URB1: variants seen among roughly 807,000 people sequenced by gnomAD.
URB1 encodes URB1 ribosome biogenesis factor.
Under a neutral mutation model 242.3 loss-of-function variants are expected in URB1, and 197 were observed. The ratio of observed to expected loss-of-function variants is 0.81; its 90% CI spans 0.72 to 0.91. The LOEUF is 0.91. URB1 is among the 40% of genes least tolerant of loss of function. URB1 has a pLI of 0.00. For synonymous variants in URB1, 1,153 were observed against 1,201.8 expected (o/e 0.96, Z 0.84); for missense variants, 2,721 against 2,860.5 (o/e 0.95, Z 1.11).
Position 32,316,818 on chromosome 21 carries a change from A to C in URB1, c.6282T>G (p.Tyr2094Ter). ...AACTGACTGCCAGGGAAGCGGCAGC[A>C]TATACGGGGCCTGGCGCATCGCTCT... The part of the protein sequence containing the change: ...SPESDAPGPV[Y>*]AAASLAVSWV... The change falls in exon 38 of 39, where the codon TAT (tyrosine) becomes TAG (stop). Residue 2094 changes from tyrosine (Y) to a stop codon, truncating the protein, a stop_gained. Transcript: ENST00000382751. LOFTEE classifies it high-confidence loss of function. 1 of 1,547,744 alleles carries C rather than the reference A, an allele frequency of 6.5e-7. No homozygotes were observed. The highest frequency in any genetic ancestry group is 8.7e-7 in the Non-Finnish European group (1 of 1,144,370).
At chr21:32,351,569 C>T (rs2033159034) in intron 19 of URB1, among the ~76,000 whole-genome samples, 1 of 152,190 alleles carries the variant, frequency 6.6e-6, no homozygotes, top group Admixed American at 6.5e-5. Flanking sequence ...AGGCCTGCAG[C>T]AGCATGTGTG....
chr21:32,322,076 T>C (rs1392754990), intron 33 of URB1, 132 bp from the exon 34 acceptor site: 3 of 1,052,292 alleles, frequency 2.9e-6, no homozygotes, highest in South Asian at 3.3e-5. Flanking sequence ...TGTCTGATTA[T>C]GAAAAATCCC....
At chr21:32,389,669 C>T (rs1160082619) in intron 1 of URB1, among the ~76,000 whole-genome samples, 1 of 152,210 alleles carries the variant, frequency 6.6e-6, no homozygotes, top group East Asian at 1.9e-4. Flanking sequence ...AGAATTACCA[C>T]TTATGCAGTG....
At chr21:32,357,360 C>G (rs1008296128) in intron 15 of URB1, among the ~76,000 whole-genome samples, 177 bp downstream of exon 15, 3 of 151,810 alleles carry the variant, frequency 2.0e-5, no homozygotes, top group African/African-American at 7.3e-5. Context: ...AGGCTGCCTC[C>G]CAGGAATGTA....
Position 32,337,428 on chromosome 21 carries a change from A to G in URB1, c.4597T>C (p.Tyr1533His), listed in dbSNP as rs1022054122. The change falls in exon 27 of 39, where the codon TAT becomes CAT. Residue 1533 changes from tyrosine to histidine, a missense_variant. Transcript: ENST00000382751. Reference sequence around the variant, plus strand: ...CCTAGGACGCTGAGAGTGGCGCCATAGGCCCCGAGAAGCACTGCAAAGTGG... The same window carrying G: ...CCTAGGACGCTGAGAGTGGCGCCATGGGCCCCGAGAAGCACTGCAAAGTGG... Reference protein sequence around the residue: ...SSHFAVLLGAYGATLSVLDQK... With the variant: ...SSHFAVLLGAHGATLSVLDQK... 26 of 1,551,578 alleles carry G rather than the reference A, an allele frequency of 1.7e-5. No individual in the cohort carries two copies. Among genetic ancestry groups the G allele is most frequent in the Non-Finnish European group, 2.2e-5 (25 of 1,146,934 alleles).
chr21:32,390,435 G>A (rs2033625310), intron 1 of URB1, among the ~76,000 whole-genome samples: 1 of 151,212 alleles, frequency 6.6e-6, no homozygotes, highest in Non-Finnish European at 1.5e-5. Flanking sequence ...TTTGAGAAGT[G>A]TCTGTTCATA....
intron 25 of URB1, among the ~76,000 whole-genome samples, chr21:32,339,489 T>A (rs2033002942): frequency 6.6e-6 from 1 of 151,022 alleles, no homozygotes; most frequent in South Asian, 2.1e-4. Context: ...TTTTCTTTTT[T>A]TTTTCTTTTT....
Position 32,347,414 on chromosome 21 carries a change from G to A in URB1, c.3410C>T (p.Thr1137Ile), listed in dbSNP as rs759062513. 37 of 1,551,412 alleles carry A rather than the reference G, an allele frequency of 2.4e-5. 1 individual carries two copies. In the South Asian group the frequency reaches 4.2e-4, roughly 17 times the overall value. Residue 1137 changes from threonine to isoleucine, a missense_variant, in exon 22 of 39, where the codon ACC becomes ATC. Coordinates refer to ENST00000382751, the MANE Select transcript of URB1 (RefSeq NM_014825.3). ...LLSLPETHLV[T>I]QQPTKSPGKE... The stretch of plus-strand genomic sequence containing the variant: ...CCCGGGGGATTTCGTGGGTTGCTGG[G>A]TCACCAGGTGTGTCTCAGGCAGGCT...
intron 33 of URB1, 93 bp downstream of exon 33, chr21:32,322,385 T>C (rs2123546179): frequency 1.7e-6 from 2 of 1,183,002 alleles, no homozygotes; most frequent in Non-Finnish European, 2.5e-6. Context: ...CCGTGCAGCA[T>C]ACAGGATCCA....
At chr21:32,392,355 G>A (rs1255412516) in intron 1 of URB1, among the ~76,000 whole-genome samples, 1 of 152,164 alleles carries the variant, frequency 6.6e-6, no homozygotes. Flanking sequence ...GAGTGTTGGG[G>A]GATGGAAGCT....
intron 15 of URB1, 137 bp from the exon 16 acceptor site, chr21:32,355,702 G>A (rs577400852): frequency 2.2e-5 from 15 of 681,702 alleles, no homozygotes; most frequent in East Asian, 5.7e-5. Flanking sequence ...TCCGCCTCCC[G>A]GGTTCAAGCA....
At chr21:32,326,099 C>T (rs1408141925) in intron 30 of URB1, among the ~76,000 whole-genome samples, 2 of 152,144 alleles carry the variant, frequency 1.3e-5, no homozygotes, top group African/African-American at 2.4e-5. Context: ...TGAGGGGATG[C>T]GCCTTACCAC....
At chr21:32,380,369 T>C (rs1019205246) in intron 4 of URB1, among the ~76,000 whole-genome samples, 17 of 152,222 alleles carry the variant, frequency 1.1e-4, no homozygotes, top group African/African-American at 3.9e-4. Flanking sequence ...TGTGAGTTTC[T>C]TCCAAAACTG....
At chr21:32,366,355 T>C (rs1245508074) in intron 10 of URB1, among the ~76,000 whole-genome samples, 1 of 152,218 alleles carries the variant, frequency 6.6e-6, no homozygotes, top group Admixed American at 6.5e-5. Flanking sequence ...CAGGGGTCCC[T>C]GCTGTGTGAT....
rs1197735053 is a variant in URB1, at chr21:32,349,354, G to C, written c.2962C>G (p.Leu988Val). The change falls in exon 21 of 39, where the codon CTC (leucine) becomes GTC (valine). Residue 988 changes from leucine to valine, a missense_variant. Transcript: ENST00000382751. Reference protein sequence around the residue: ...RCEAARAEADLFLDMESVASL... With the variant: ...RCEAARAEADVFLDMESVASL... ...GCCACGGACTCCATGTCCAGGAAGAGGTCGGCTTCGGCCCGGGCGGCCTCG... is the reference window on the plus strand; with the variant it reads ...GCCACGGACTCCATGTCCAGGAAGACGTCGGCTTCGGCCCGGGCGGCCTCG... 4 of 1,551,264 alleles carry C rather than the reference G, an allele frequency of 2.6e-6. No individual in the cohort carries two copies. The Admixed American group carries it at 5.9e-5, about 23-fold the overall frequency.
intron 24 of URB1, among the ~76,000 whole-genome samples, chr21:32,342,540 T>G (rs1235954011): frequency 6.6e-6 from 1 of 152,086 alleles, no homozygotes; most frequent in Non-Finnish European, 1.5e-5. Context: ...GCAATGGCTA[T>G]TCATAGGCGC....
At chr21:32,331,963 C>T (rs1205257467) in intron 30 of URB1, among the ~76,000 whole-genome samples, 3 of 152,236 alleles carry the variant, frequency 2.0e-5, no homozygotes, top group Non-Finnish European at 4.4e-5. Context: ...GCATGCCCAG[C>T]AGTGACTGGG....
rs2032651757 is a variant in URB1, at chr21:32,314,662, T to G, written c.*256A>C. ...AGGAAGGGGCGGCCTGACGAGGCAC[T>G]GGATGGGCCTCATGGCCTAGAAGTC... is the stretch of plus-strand genomic sequence containing the variant. On this transcript the variant is annotated 3_prime_UTR_variant, in exon 39 of 39. Coordinates refer to ENST00000382751, the MANE Select transcript of URB1 (RefSeq NM_014825.3). 6.2e-7 allele frequency: 1 copy of G among 1,610,518 alleles called. No homozygotes were observed. Among genetic ancestry groups the G allele is most frequent in the Admixed American group, 1.7e-5 (1 of 60,004 alleles).
chr21:32,373,850 GCTTA>G (rs970447528), intron 6 of URB1, 78 bp from the exon 7 acceptor site: 12 of 1,275,792 alleles, frequency 9.4e-6, no homozygotes, highest in African/African-American at 6.2e-5. Flanking sequence ...TTTAAATGGT[GCTTA>G]CTGTTTTCTC....
Sources: gnomAD v4.1 joint callset for allele counts (sites outside exome capture counted in the v4.1 genomes callset) on GRCh38, gnomAD v4.1.1 for gene constraint, MANE v1.5 for transcripts, NCBI Gene and HGNC (gene_info 2026-07-23, HGNC 2026-07-21) for gene names.